The following RGS3 variants were observed in gnomAD, a reference collection of about 807,000 sequenced individuals.
The protein encoded by RGS3 is regulator of G-protein signalling 3.
Under a neutral mutation model 132.6 loss-of-function variants are expected in RGS3, and 80 were observed. The observed-to-expected ratio is 0.60, with a 90% confidence interval of 0.50 to 0.73. The LOEUF (loss-of-function observed/expected upper bound fraction) is 0.73. Among genes scored for constraint, RGS3 ranks in the 30% least tolerant of loss-of-function variants. The pLI is 0.00. For synonymous variants in RGS3, 598 were observed against 620.6 expected, an observed-to-expected ratio of 0.96 and a Z score of 0.54; for missense variants, 1,382 against 1,530.8, an observed-to-expected ratio of 0.90 and a Z score of 1.62.
Position 113,463,745 on chromosome 9 carries a change from G to A in RGS3, c.415+1544G>A, listed in dbSNP as rs1288795935. On this transcript the variant is annotated intron_variant, in intron 3 of 24. Coordinates refer to ENST00000350696, the Ensembl canonical transcript of RGS3. This position sits in a 1 kb window ranked among gnomAD's most constrained non-coding sequence, Gnocchi z 4.6. ...CCGCCCTGGAGACTCCGGTTACTGG[G>A]GAGCAACACAGCCGCCTCGGGTTGC... 1.6e-5 allele frequency: 25 copies of A among 1,543,908 alleles called. 1 individual carries two copies. The highest frequency in any genetic ancestry group is 1.4e-4 in the East Asian group (6 of 42,226).
chr9:113,536,408 G>A (rs1024048958), intron 18 of RGS3: 2 of 869,590 alleles, frequency 2.3e-6, no homozygotes, highest in Non-Finnish European at 2.8e-6. Flanking sequence ...AGGGTTCCTG[G>A]CTCCACAGAG....
At chr9:113,541,405 C>A in intron 19 of RGS3, 14 of 1,613,836 alleles carry the variant, frequency 8.7e-6, no homozygotes, top group Non-Finnish European at 1.1e-5. Flanking sequence ...TTTACCTCAC[C>A]AGGACAGACT....
intron 19 of RGS3, among the ~76,000 whole-genome samples, chr9:113,546,416 T>C (rs1833119555): frequency 6.6e-6 from 1 of 152,178 alleles, no homozygotes; most frequent in South Asian, 2.1e-4. Context: ...CAAGTAGATG[T>C]TATATTTTAT....
At chr9:113,490,494 T>C (rs182191384) in intron 7 of RGS3, among the ~76,000 whole-genome samples, 4 of 151,962 alleles carry the variant, frequency 2.6e-5, no homozygotes, top group Admixed American at 2.6e-4. Context: ...TTAAAAATTC[T>C]GTTTGATAAT....
intron 19 of RGS3, among the ~76,000 whole-genome samples, chr9:113,546,399 T>C (rs1459367364): frequency 6.6e-6 from 1 of 152,268 alleles, no homozygotes; most frequent in African/African-American, 2.4e-5. Flanking sequence ...TGTGAGCTTC[T>C]TCGGAGCAAG....
At chr9:113,562,198 T>G (rs1165486835) in intron 19 of RGS3, among the ~76,000 whole-genome samples, 1 of 152,140 alleles carries the variant, frequency 6.6e-6, no homozygotes, top group Non-Finnish European at 1.5e-5. Context: ...TATCTGAGGC[T>G]GGGCACGTGG....
At chr9:113,466,645 G>A (rs7861248) in intron 3 of RGS3, among the ~76,000 whole-genome samples, 18,010 of 152,130 alleles carry the variant, frequency 0.12, 1,276 homozygotes, top group African/African-American at 0.19. Flanking sequence ...TGAAGTCATT[G>A]TAGGTATACA....
In RGS3 at chr9:113,471,333, A is replaced by G. The variant is rs144628352; in HGVS notation, c.416-8158A>G. Among the ~76,000 whole-genome samples, 75 of 152,138 alleles carry G rather than the reference A, an allele frequency of 4.9e-4. 1 individual carries two copies. In the East Asian group the frequency reaches 7.5e-3, roughly 15 times the overall value. On this transcript the variant is annotated intron_variant, in intron 3 of 24. Coordinates refer to ENST00000350696, the Ensembl canonical transcript of RGS3. ...ACTCACTCAGTCTCTTGATCTCTCA[A>G]TCAGCCCTCTGGAATTTGAAAACAC...
intron 19 of RGS3, among the ~76,000 whole-genome samples, chr9:113,555,655 CAG>C (rs946093395): frequency 1.8e-4 from 27 of 152,190 alleles, no homozygotes; most frequent in African/African-American, 5.5e-4. Flanking sequence ...TTAGTAGAGA[CAG>C]AGTTTCACCC....
chr9:113,570,719 C>G (rs1241969852), intron 19 of RGS3, among the ~76,000 whole-genome samples: 1 of 152,078 alleles, frequency 6.6e-6, no homozygotes, highest in African/African-American at 2.4e-5. Context: ...GCACTGCAAC[C>G]TCCATCTCCC....
At chr9:113,592,907 T>G (rs891005997) in intron 21 of RGS3, 1 of 152,246 alleles carries the variant, frequency 6.6e-6, no homozygotes, top group Non-Finnish European at 1.5e-5. Context: ...TCATATGTAA[T>G]CTAATTTAAT....
chr9:113,481,141 C>T (rs1026768250), intron 4 of RGS3, among the ~76,000 whole-genome samples: 8 of 152,228 alleles, frequency 5.3e-5, no homozygotes, highest in Admixed American at 3.9e-4. Context: ...ATCATTAAGA[C>T]TCAGGAAGGA....
At chr9:113,587,488 C>A (rs1250407850) in intron 20 of RGS3, among the ~76,000 whole-genome samples, 1 of 152,156 alleles carries the variant, frequency 6.6e-6, no homozygotes, top group African/African-American at 2.4e-5. Flanking sequence ...CTCTGAGCTT[C>A]GGTTTTCTCT....
chr9:113,555,569 C>A lies in RGS3; in HGVS notation c.2037+18651C>A, dbSNP rs558636104. On this transcript the variant is annotated intron_variant, in intron 19 of 24. Transcript: ENST00000350696. Reference sequence around the variant, plus strand: ...GCAACCTCCATCTCCCAGGTTCAAGCGATTCTCCTACCTCAGCCTTCTGAG... The same window carrying A: ...GCAACCTCCATCTCCCAGGTTCAAGAGATTCTCCTACCTCAGCCTTCTGAG... Among the ~76,000 whole-genome samples the A allele has an allele frequency of 2.6e-5, 4 of 152,074 alleles. No individual in the cohort carries two copies. The East Asian group carries it at 7.7e-4, about 29-fold the overall frequency.
rs554235620 is a variant in RGS3, at chr9:113,591,545, G to A, written c.3080+148G>A. 8.3e-6 allele frequency: 6 copies of A among 727,164 alleles called. No homozygotes were observed. Among genetic ancestry groups the A allele is most frequent in the Non-Finnish European group, 1.4e-5 (6 of 416,762 alleles). 45.0% of individuals were successfully genotyped at this position (727,164 alleles called of 1,614,324 possible). A position where few individuals can be genotyped will look rare whatever the true frequency, so the allele number is the denominator to read the frequency against. Reference sequence around the variant, plus strand: ...AGACACCAAGGAAAAACTGGATCTTGGAACTTTGCAGTGACCCCAAAGTGG... The same window carrying A: ...AGACACCAAGGAAAAACTGGATCTTAGAACTTTGCAGTGACCCCAAAGTGG... On this transcript the variant is annotated intron_variant, in intron 21 of 24. Transcript: ENST00000350696. This position sits in a 1 kb window ranked among gnomAD's most constrained non-coding sequence, Gnocchi z 4.4.
At chr9:113,522,820 G>A (rs1832020550) in intron 16 of RGS3, 110 bp from the exon 15 acceptor site, 1 of 761,708 alleles carries the variant, frequency 1.3e-6, no homozygotes, top group Non-Finnish European at 2.4e-6. Flanking sequence ...AGATGATGAG[G>A]ATGCATTATC....
chr9:113,475,034 A>G (rs1262241144), intron 3 of RGS3, among the ~76,000 whole-genome samples: 2 of 152,158 alleles, frequency 1.3e-5, no homozygotes, highest in African/African-American at 2.4e-5. Flanking sequence ...AAAAGTGCCC[A>G]GTAAGTCTGA....
At chr9:113,452,740 T>C (rs969362024) in intron 1 of RGS3, among the ~76,000 whole-genome samples, 7 of 150,832 alleles carry the variant, frequency 4.6e-5, no homozygotes, top group African/African-American at 1.7e-4. Context: ...TTTGGTCTTC[T>C]TTGTGTTTAA....
At chr9:113,473,576 A>G (rs1333459640) in intron 3 of RGS3, among the ~76,000 whole-genome samples, 1 of 152,094 alleles carries the variant, frequency 6.6e-6, no homozygotes, top group African/African-American at 2.4e-5. Context: ...TTGGAGAGAC[A>G]GAGTCTTGCT....
Sources: allele counts gnomAD v4.1 joint callset (sites outside exome capture counted in the v4.1 genomes callset), GRCh38; gene constraint gnomAD v4.1.1; non-coding constraint Gnocchi (gnomAD v3.1); transcripts MANE v1.5; gene names NCBI Gene and HGNC (gene_info 2026-07-23, HGNC 2026-07-21).